The following TNFRSF13B variants were observed in gnomAD, a reference collection of about 807,000 sequenced individuals.
TNFRSF13B encodes tumor necrosis factor receptor superfamily member 13B.
In TNFRSF13B, 34 loss-of-function variants were observed where a neutral mutation model predicts 24.0. The ratio of observed to expected loss-of-function variants is 1.41; its 90% CI spans 1.08 to 1.88. TNFRSF13B has a LOEUF of 1.88. Among genes scored for constraint, TNFRSF13B ranks in the 40% most tolerant of loss-of-function variants. The probability of loss-of-function intolerance (pLI) is 0.00; values close to 1 mark genes in which losing one functional copy is unlikely to be tolerated. For missense variants in TNFRSF13B, 415 were observed against 380.8 expected (o/e 1.09, Z -0.75); for synonymous variants, 173 against 150.3 (o/e 1.15, Z -1.10).
intron 1 of TNFRSF13B, among the ~76,000 whole-genome samples, chr17:16,966,791 G>A (rs572977959): frequency 8.0e-5 from 12 of 150,508 alleles, no homozygotes; most frequent in Non-Finnish European, 1.6e-4. Flanking sequence ...ATGTGCTGCC[G>A]AAGTGAGCAC....
intron 3 of TNFRSF13B, among the ~76,000 whole-genome samples, chr17:16,943,501 T>A (rs182327827): frequency 1.3e-5 from 2 of 152,206 alleles, no homozygotes; most frequent in Admixed American, 1.3e-4. Flanking sequence ...CCCTCCCAGG[T>A]CTCTGGTTCC....
chr17:16,949,309 G>A (rs941207450), intron 2 of TNFRSF13B, among the ~76,000 whole-genome samples: 4 of 152,120 alleles, frequency 2.6e-5, no homozygotes, highest in Non-Finnish European at 5.9e-5. Flanking sequence ...AAGATTTTCA[G>A]TTATCATTTA....
chr17:16,949,827 A>C (rs1231679078), intron 2 of TNFRSF13B, among the ~76,000 whole-genome samples: 1 of 151,654 alleles, frequency 6.6e-6, no homozygotes, highest in East Asian at 1.9e-4. Flanking sequence ...CTGGGATTAC[A>C]GGCGACCACC....
intron 1 of TNFRSF13B, among the ~76,000 whole-genome samples, chr17:16,963,174 G>A (rs2087674826): frequency 6.6e-6 from 1 of 152,228 alleles, no homozygotes; most frequent in South Asian, 2.1e-4. Context: ...ACTGTGAGCA[G>A]CATATGCATG....
chr17:16,971,163 C>T (rs61589501), intron 1 of TNFRSF13B, among the ~76,000 whole-genome samples: 3,711 of 152,150 alleles, frequency 0.024, 140 homozygotes, highest in African/African-American at 0.072. Flanking sequence ...GCCTGGCCAA[C>T]GTGGCGAAAG....
intron 3 of TNFRSF13B, among the ~76,000 whole-genome samples, chr17:16,943,068 T>A (rs1242451106): frequency 1.3e-5 from 2 of 152,080 alleles, no homozygotes; most frequent in Non-Finnish European, 2.9e-5. Flanking sequence ...GGCCTGAATA[T>A]CCCAGCATCA....
intron 2 of TNFRSF13B, among the ~76,000 whole-genome samples, chr17:16,949,700 T>G (rs918449045): frequency 3.8e-4 from 58 of 152,146 alleles, no homozygotes; most frequent in Non-Finnish European, 6.6e-4. Flanking sequence ...TTTTTTTTTT[T>G]TTGAGAAGGA....
intron 2 of TNFRSF13B, among the ~76,000 whole-genome samples, chr17:16,950,451 G>A (rs898312956): frequency 6.6e-6 from 1 of 152,232 alleles, no homozygotes; most frequent in Non-Finnish European, 1.5e-5. Flanking sequence ...ATCCGTTCTT[G>A]TGTCTTTGAC....
intron 1 of TNFRSF13B, among the ~76,000 whole-genome samples, chr17:16,964,298 T>TCAGA (rs1365611329): frequency 1.3e-5 from 2 of 151,556 alleles, no homozygotes; most frequent in African/African-American, 4.8e-5. Flanking sequence ...GAATGAACCT[T>TCAGA]CAGAGATGTT....
intron 3 of TNFRSF13B, 114 bp from the exon 4 acceptor site, chr17:16,940,625 A>G: frequency 1.3e-6 from 2 of 1,527,282 alleles, no homozygotes; most frequent in South Asian, 1.2e-5. Flanking sequence ...GCTCCTGGAG[A>G]GGCTGGGCTC....
intron 2 of TNFRSF13B, among the ~76,000 whole-genome samples, chr17:16,950,209 C>A (rs2087579351): frequency 6.6e-6 from 1 of 152,116 alleles, no homozygotes; most frequent in African/African-American, 2.4e-5. Context: ...ATTTCAGAAC[C>A]AAATTTCAGT....
At chr17:16,952,617 G>C in intron 1 of TNFRSF13B, 34 bp from the exon 2 acceptor site, 1 of 1,614,014 alleles carries the variant, frequency 6.2e-7, no homozygotes, top group South Asian at 1.1e-5. Flanking sequence ...CAGCTGGCAG[G>C]CGGCCACAGC....
chr17:16,969,196 T>TGG (rs1243783581), intron 1 of TNFRSF13B, among the ~76,000 whole-genome samples: 1 of 152,244 alleles, frequency 6.6e-6, no homozygotes, highest in Non-Finnish European at 1.5e-5. Flanking sequence ...CACTTGTAGG[T>TGG]ATCTATCTAC....
At chr17:16,949,363 C>G (rs1214229861) in intron 2 of TNFRSF13B, among the ~76,000 whole-genome samples, 4 of 152,130 alleles carry the variant, frequency 2.6e-5, no homozygotes. Context: ...CTTTTACTTG[C>G]ATTTTTCAAG....
At chr17:16,947,090 G>A (rs953282944) in intron 3 of TNFRSF13B, among the ~76,000 whole-genome samples, 1 of 152,086 alleles carries the variant, frequency 6.6e-6, no homozygotes, top group Non-Finnish European at 1.5e-5. Flanking sequence ...ATCAAGGAGG[G>A]TCTCCTTTAA....
intron 3 of TNFRSF13B, among the ~76,000 whole-genome samples, chr17:16,943,163 A>G (rs1441170143): frequency 6.6e-6 from 1 of 152,182 alleles, no homozygotes; most frequent in South Asian, 2.1e-4. Flanking sequence ...GCCTAGCTGA[A>G]CCCTGCCTCC....
At position 16,948,751 on chromosome 17, in the gene TNFRSF13B, T is replaced by C; in HGVS notation, c.432A>G (p.Ser144=). The C allele has an allele frequency of 6.2e-7, 1 of 1,614,092 alleles. No homozygotes were observed. Residue 144 remains serine (S), a synonymous_variant, in exon 3 of 5, where the codon TCA becomes TCG. Transcript: ENST00000261652. The part of the protein sequence containing the change: ...GRYQGLEHRG[S]EASPALPGLK... ...TGGGTGGCTTACCTGGACTTGCTTC[T>C]GAGCCTCTGTGCTCCAATCCTTGGT...
At position 16,939,505 on chromosome 17, in the gene TNFRSF13B, T is replaced by C; in HGVS notation, c.*42A>G. The C allele has an allele frequency of 6.3e-7, 1 of 1,576,356 alleles. No individual in the cohort carries two copies. Among genetic ancestry groups the C allele is most frequent in the Non-Finnish European group, 8.7e-7 (1 of 1,154,732 alleles). Reference sequence around the variant, plus strand: ...CCACCTCTCTTTCTCTCTCCCCTCCTCTCCATCTCTCTCCCTCCTCCTTTC... The same window carrying C: ...CCACCTCTCTTTCTCTCTCCCCTCCCCTCCATCTCTCTCCCTCCTCCTTTC... On this transcript the variant is annotated 3_prime_UTR_variant, in exon 5 of 5. Transcript: ENST00000261652.
At chr17:16,971,065 G>A (rs1290720387) in intron 1 of TNFRSF13B, among the ~76,000 whole-genome samples, 4 of 152,128 alleles carry the variant, frequency 2.6e-5, no homozygotes, top group East Asian at 3.8e-4. Context: ...AATGCTATAC[G>A]GGCCGGGTGC....
Sources: allele counts gnomAD v4.1 joint callset (sites outside exome capture counted in the v4.1 genomes callset), GRCh38; gene constraint gnomAD v4.1.1; transcripts MANE v1.5; gene names NCBI Gene and HGNC (gene_info 2026-07-23, HGNC 2026-07-21).